Variants in GNAQ observed in about 807,000 individuals in gnomAD.
GNAQ encodes G protein subunit alpha q.
GNAQ carries 8 observed loss-of-function variants against 43.9 expected under a neutral mutation model. The ratio of observed to expected loss-of-function variants is 0.18; its 90% CI spans 0.11 to 0.33. The LOEUF (loss-of-function observed/expected upper bound fraction) is 0.33, where lower values mean the gene tolerates loss of function less well. Among genes scored for constraint, GNAQ ranks in the 10% least tolerant of loss-of-function variants. The pLI, the probability that GNAQ is intolerant of heterozygous loss-of-function variation, is 1.00. For missense variants in GNAQ, 158 were observed against 450.8 expected, an observed-to-expected ratio of 0.35 and a Z score of 5.88; for synonymous variants, 155 against 170.7, an observed-to-expected ratio of 0.91 and a Z score of 0.71.
intron 5 of GNAQ, among the ~76,000 whole-genome samples, chr9:77,792,412 T>C (rs1564111900): frequency 6.6e-6 from 1 of 152,272 alleles, no homozygotes; most frequent in East Asian, 1.9e-4. Context: ...CAAGTTACTG[T>C]GGGAACTTTA....
intron 2 of GNAQ, among the ~76,000 whole-genome samples, chr9:77,847,688 T>C (rs1021863609): frequency 5.9e-5 from 9 of 152,192 alleles, no homozygotes; most frequent in African/African-American, 1.7e-4. Context: ...GCTACAAATA[T>C]CTATGAACTA....
intron 5 of GNAQ, among the ~76,000 whole-genome samples, chr9:77,786,022 A>G (rs1041851437): frequency 6.6e-4 from 101 of 152,304 alleles, no homozygotes; most frequent in East Asian, 7.7e-4. Flanking sequence ...AGACTCGTGC[A>G]TATAATAAAA....
chr9:77,828,865 G>T (rs1203899390), intron 2 of GNAQ, among the ~76,000 whole-genome samples: 1 of 152,164 alleles, frequency 6.6e-6, no homozygotes, highest in Non-Finnish European at 1.5e-5. Flanking sequence ...TGGAATATTG[G>T]ATTAGATAAT....
At chr9:77,981,019 CCA>C (rs1486982345) in intron 1 of GNAQ, among the ~76,000 whole-genome samples, 2 of 152,126 alleles carry the variant, frequency 1.3e-5, no homozygotes, top group Admixed American at 1.3e-4. Flanking sequence ...TGCCAGACTC[CCA>C]CACACTTACA....
chr9:77,735,806 G>C (rs1825570015), intron 5 of GNAQ, among the ~76,000 whole-genome samples: 1 of 152,162 alleles, frequency 6.6e-6, no homozygotes, highest in Non-Finnish European at 1.5e-5. Flanking sequence ...TGACAGGCCA[G>C]GGCTGTGAGC....
At chr9:77,880,570 T>C (rs999397372) in intron 2 of GNAQ, among the ~76,000 whole-genome samples, 22 of 139,120 alleles carry the variant, frequency 1.6e-4, no homozygotes, top group African/African-American at 5.4e-4. Flanking sequence ...TTTTTTTTTG[T>C]TTTTTTTGTT....
intron 2 of GNAQ, among the ~76,000 whole-genome samples, chr9:77,818,095 T>C (rs915822345): frequency 3.3e-5 from 5 of 152,188 alleles, no homozygotes; most frequent in Non-Finnish European, 7.3e-5. Flanking sequence ...CTCTACAGTG[T>C]AAGTTATATT....
At chr9:77,899,863 G>C (rs1828572327) in intron 2 of GNAQ, among the ~76,000 whole-genome samples, 5 of 152,184 alleles carry the variant, frequency 3.3e-5, no homozygotes, top group Admixed American at 3.3e-4. Context: ...AGGTGCTGCT[G>C]ATTCAGCAAG....
chr9:77,802,983 G>C (rs1437763827), intron 3 of GNAQ, among the ~76,000 whole-genome samples: 5 of 152,080 alleles, frequency 3.3e-5, no homozygotes, highest in Admixed American at 6.5e-5. Flanking sequence ...TGCCCAGTTA[G>C]CTATGGCCCT....
At chr9:77,777,571 T>G (rs528005391) in intron 5 of GNAQ, among the ~76,000 whole-genome samples, 323 of 152,190 alleles carry the variant, frequency 2.1e-3, no homozygotes, top group Non-Finnish European at 3.4e-3. Flanking sequence ...GAATATAATG[T>G]ATTTGCAAAT....
At chr9:78,018,559 AAAC>A (rs1328268159) in intron 1 of GNAQ, among the ~76,000 whole-genome samples, 1 of 152,210 alleles carries the variant, frequency 6.6e-6, no homozygotes, top group African/African-American at 2.4e-5. Context: ...ACTAGCATGA[AAAC>A]AACATAATGT....
chr9:77,926,439 A>C (rs1241804401), intron 1 of GNAQ, among the ~76,000 whole-genome samples: 1 of 152,226 alleles, frequency 6.6e-6, no homozygotes, highest in Non-Finnish European at 1.5e-5. Flanking sequence ...CTACTAGTAG[A>C]TTATTTCAAG....
intron 2 of GNAQ, among the ~76,000 whole-genome samples, chr9:77,872,267 T>C (rs1381711955): frequency 4.6e-5 from 7 of 152,230 alleles, no homozygotes; most frequent in Non-Finnish European, 1.0e-4. Flanking sequence ...AAATTACCAT[T>C]ATGTGAAAAT....
intron 1 of GNAQ, among the ~76,000 whole-genome samples, chr9:77,998,789 C>T (rs981025490): frequency 5.3e-5 from 8 of 151,962 alleles, no homozygotes; most frequent in Admixed American, 1.3e-4. Context: ...ATAACCACTG[C>T]AATAAGACTT....
chr9:77,845,667 C>T (rs139974004), intron 2 of GNAQ, among the ~76,000 whole-genome samples: 144 of 152,276 alleles, frequency 9.5e-4, no homozygotes, highest in African/African-American at 3.2e-3. Context: ...ATCAGAAAGA[C>T]GACCACCTCA....
intron 5 of GNAQ, among the ~76,000 whole-genome samples, chr9:77,788,991 CT>C (rs1418457758): frequency 6.6e-6 from 1 of 152,112 alleles, no homozygotes; most frequent in East Asian, 1.9e-4. Flanking sequence ...GTAACTATTT[CT>C]TTTTTATGTT....
At chr9:77,855,381 C>T (rs556260173) in intron 2 of GNAQ, among the ~76,000 whole-genome samples, 4 of 151,978 alleles carry the variant, frequency 2.6e-5, no homozygotes, top group Admixed American at 1.3e-4. Flanking sequence ...TAAAAGCAAA[C>T]GAAAGAACCT....
At chr9:77,900,715 C>T (rs1828593829) in intron 2 of GNAQ, among the ~76,000 whole-genome samples, 1 of 152,034 alleles carries the variant, frequency 6.6e-6, no homozygotes, top group Non-Finnish European at 1.5e-5. Flanking sequence ...TTTTTTCCTT[C>T]ATGTTTTCCC....
At chr9:77,754,716 C>T (rs1825871171) in intron 5 of GNAQ, among the ~76,000 whole-genome samples, 1 of 152,168 alleles carries the variant, frequency 6.6e-6, no homozygotes, top group Admixed American at 6.5e-5. Flanking sequence ...ACTTAAGAGA[C>T]CCAGACAGAC....
Sources: gnomAD v4.1 joint callset for allele counts (sites outside exome capture counted in the v4.1 genomes callset) on GRCh38, gnomAD v4.1.1 for gene constraint, MANE v1.5 for transcripts, NCBI Gene and HGNC (gene_info 2026-07-23, HGNC 2026-07-21) for gene names.